The following ZNF440 variants were observed in gnomAD, a reference collection of about 807,000 sequenced individuals.
ZNF440 encodes zinc finger protein 440.
ZNF440 carries 47 observed loss-of-function variants against 49.7 expected under a neutral mutation model. That is an observed-to-expected ratio of 0.95 (90% CI 0.75 to 1.21). ZNF440 has a LOEUF of 1.21. Among genes scored for constraint, ZNF440 ranks in the 50% most tolerant of loss-of-function variants. The probability of loss-of-function intolerance (pLI) is 0.00; values close to 1 mark genes in which losing one functional copy is unlikely to be tolerated. For synonymous variants in ZNF440, 255 were observed against 237.7 expected, an observed-to-expected ratio of 1.07 and a Z score of -0.67; for missense variants, 703 against 715.0, an observed-to-expected ratio of 0.98 and a Z score of 0.19.
intron 1 of ZNF440, among the ~76,000 whole-genome samples, chr19:11,819,690 A>G (rs987455165): frequency 3.2e-4 from 48 of 152,206 alleles, no homozygotes; most frequent in Non-Finnish European, 6.3e-4. Context: ...GTGAGCCACC[A>G]TGCCTGGCCT....
intron 1 of ZNF440, among the ~76,000 whole-genome samples, chr19:11,829,646 G>A (rs530101858): frequency 6.6e-6 from 1 of 152,188 alleles, no homozygotes; most frequent in Non-Finnish European, 1.5e-5. Flanking sequence ...TGTGGCTTTA[G>A]CCCTTGTTCA....
Position 11,831,661 on chromosome 19 carries a change from A to C in ZNF440, c.485A>C (p.Gln162Pro), listed in dbSNP as rs781535111. Residue 162 changes from glutamine to proline, a missense_variant, in exon 4 of 4, where the codon CAA (glutamine) becomes CCA (proline). Transcript: ENST00000304060. ...AGATACCGCCCCTCCTTTAGAACAC[A>C]AGAAAGGGATCACACTGGAGAGAAA... is the stretch of plus-strand genomic sequence containing the variant. ...AFRYRPSFRT[Q>P]ERDHTGEKPN... is the part of the protein sequence containing the mutation. 3 of 1,614,186 alleles carry C rather than the reference A, an allele frequency of 1.9e-6. No homozygotes were observed. The highest frequency in any genetic ancestry group is 3.3e-5 in the Admixed American group (2 of 60,012).
At chr19:11,826,928 A>G (rs549056831) in intron 1 of ZNF440, among the ~76,000 whole-genome samples, 2 of 151,918 alleles carry the variant, frequency 1.3e-5, no homozygotes, top group African/African-American at 2.4e-5. Flanking sequence ...CTTCCCAAAG[A>G]GCTGGATTAC....
In ZNF440 at chr19:11,832,208, A is replaced by G; in HGVS notation, c.1032A>G (p.Ile344Met). Residue 344 changes from isoleucine to methionine, a missense_variant, in exon 4 of 4, where the codon ATA becomes ATG. Ile to Met is a conservative substitution (Grantham distance 10, BLOSUM62 1). Coordinates refer to ENST00000304060, the MANE Select transcript of ZNF440 (RefSeq NM_152357.3). ...HSGERPYECK[I>M]CGKDFCSVNS... Reference sequence around the variant, plus strand: ...GAGAAAGACCTTATGAATGTAAGATATGTGGAAAAGACTTTTGTTCTGTGA... The same window carrying G: ...GAGAAAGACCTTATGAATGTAAGATGTGTGGAAAAGACTTTTGTTCTGTGA... 1 of 1,614,202 alleles carries G rather than the reference A, an allele frequency of 6.2e-7. No homozygotes were observed. Among genetic ancestry groups the G allele is most frequent in the Non-Finnish European group, 8.5e-7 (1 of 1,180,030 alleles).
chr19:11,822,187 T>A (rs897500518), intron 1 of ZNF440, among the ~76,000 whole-genome samples: 1 of 152,194 alleles, frequency 6.6e-6, no homozygotes, highest in Admixed American at 6.5e-5. Context: ...ATTGGTTATA[T>A]CTAGCTGTCC....
At chr19:11,819,892 A>T (rs969267813) in intron 1 of ZNF440, among the ~76,000 whole-genome samples, 3 of 152,070 alleles carry the variant, frequency 2.0e-5, no homozygotes. Flanking sequence ...GTTTGGTCTC[A>T]TTGCTTCTTA....
intron 1 of ZNF440, among the ~76,000 whole-genome samples, chr19:11,819,183 A>T (rs539626103): frequency 7.9e-5 from 12 of 152,268 alleles, no homozygotes; most frequent in African/African-American, 2.9e-4. Flanking sequence ...TTAAAAAAAT[A>T]GTGATGAGGG....
intron 2 of ZNF440, 92 bp from the exon 3 acceptor site, chr19:11,830,525 T>C (rs1018303287): frequency 1.3e-6 from 2 of 1,599,956 alleles, no homozygotes; most frequent in Non-Finnish European, 8.5e-7. Flanking sequence ...ATAAATGAGG[T>C]ATGGCTGCAG....
chr19:11,831,249 A>G, intron 3 of ZNF440, 119 bp from the exon 4 acceptor site: 1 of 1,342,236 alleles, frequency 7.5e-7, no homozygotes, highest in African/African-American at 1.5e-5. Flanking sequence ...AACAATTCAG[A>G]CAGGGCAGAA....
Position 11,832,028 on chromosome 19 carries a change from T to C in ZNF440, c.852T>C (p.Tyr284=), listed in dbSNP as rs1975949623. 2.5e-6 allele frequency: 4 copies of C among 1,614,024 alleles called. No homozygotes were observed. In the East Asian group the frequency reaches 8.9e-5, roughly 36 times the overall value. Residue 284 remains tyrosine, a synonymous_variant, in exon 4 of 4, where the codon TAT becomes TAC. Coordinates refer to ENST00000304060, the MANE Select transcript of ZNF440 (RefSeq NM_152357.3). ...GGATTCACATGGGAGAAAAGGCTTATCAATGTAAGGAATGTGGAAAAGCAT... is the reference window on the plus strand; with the variant it reads ...GGATTCACATGGGAGAAAAGGCTTACCAATGTAAGGAATGTGGAAAAGCAT... The part of the protein sequence containing the change: ...HERIHMGEKA[Y]QCKECGKAFT...
Position 11,835,088 on chromosome 19 carries a change from G to C in ZNF440, c.*2124G>C, listed in dbSNP as rs997051333. 6.6e-6 allele frequency: 1 copy of C among 151,964 alleles called. No individual in the cohort carries two copies. The highest frequency in any genetic ancestry group is 6.6e-5 in the Admixed American group (1 of 15,262). 9.4% of individuals were successfully genotyped at this position (151,964 alleles called of 1,614,324 possible). A position where few individuals can be genotyped will look rare whatever the true frequency, so the allele number is the denominator to read the frequency against. On this transcript the variant is annotated 3_prime_UTR_variant, in exon 4 of 4. Transcript: ENST00000304060. ...CAAAAAAAGACTTGGCCTTAGGGCC[G>C]AGTGCGGTGGCTCACGCCTATAATC...
At chr19:11,826,412 G>T (rs1975867011) in intron 1 of ZNF440, among the ~76,000 whole-genome samples, 1 of 152,030 alleles carries the variant, frequency 6.6e-6, no homozygotes, top group Non-Finnish European at 1.5e-5. Context: ...ACTTTCGTGT[G>T]GACATCAGTT....
chr19:11,831,991 G>C lies in ZNF440; in HGVS notation c.815G>C (p.Arg272Pro). 1.9e-6 allele frequency: 3 copies of C among 1,613,860 alleles called. No individual in the cohort carries two copies. The highest frequency in any genetic ancestry group is 2.5e-6 in the Non-Finnish European group (3 of 1,179,890). The change falls in exon 4 of 4, where the codon CGT (arginine) becomes CCT (proline). Residue 272 changes from arginine to proline, a missense_variant. Coordinates refer to ENST00000304060, the MANE Select transcript of ZNF440 (RefSeq NM_152357.3). ...GCATTTCATAGTCCCAGATCCTATC[G>C]TAGACATGAAAGGATTCACATGGGA... is the stretch of plus-strand genomic sequence containing the variant. ...GKAFHSPRSY[R>P]RHERIHMGEK...
chr19:11,827,233 T>TGGCA (rs1975878236), intron 1 of ZNF440, among the ~76,000 whole-genome samples: 2 of 150,860 alleles, frequency 1.3e-5, no homozygotes, highest in Non-Finnish European at 2.9e-5. Context: ...CCGGCTAATT[T>TGGCA]TTGTATTTTT....
At chr19:11,824,781 C>A (rs1346269647) in intron 1 of ZNF440, among the ~76,000 whole-genome samples, 1 of 149,232 alleles carries the variant, frequency 6.7e-6, no homozygotes, top group South Asian at 2.1e-4. Flanking sequence ...GATCTCGGCT[C>A]ACTGCAACCT....
chr19:11,816,015 T>C (rs1975729218), intron 1 of ZNF440: 1 of 152,542 alleles, frequency 6.6e-6, no homozygotes, highest in African/African-American at 2.4e-5. Flanking sequence ...AGGAGAGCCG[T>C]TGGCCGAGGG....
At chr19:11,819,967 G>T (rs1158093957) in intron 1 of ZNF440, among the ~76,000 whole-genome samples, 1 of 152,132 alleles carries the variant, frequency 6.6e-6, no homozygotes, top group African/African-American at 2.4e-5. Context: ...TATACGGGAT[G>T]CAGGGCCTCA....
At chr19:11,831,072 T>G (rs1975931097) in intron 3 of ZNF440, among the ~76,000 whole-genome samples, 1 of 152,216 alleles carries the variant, frequency 6.6e-6, no homozygotes, top group South Asian at 2.1e-4. Context: ...CACACTCCAG[T>G]GTGGGCAACA....
chr19:11,829,828 G>A (rs118167470), intron 1 of ZNF440, among the ~76,000 whole-genome samples: 4,257 of 122,798 alleles, frequency 0.035, 89 homozygotes, highest in Non-Finnish European at 0.046. Flanking sequence ...ATGAGACGCT[G>A]TCTTAAAAAA....
Sources: gnomAD v4.1 joint callset for allele counts (sites outside exome capture counted in the v4.1 genomes callset) on GRCh38, gnomAD v4.1.1 for gene constraint, MANE v1.5 for transcripts, NCBI Gene and HGNC (gene_info 2026-07-23, HGNC 2026-07-21) for gene names.